The following FRAS1 variants were observed in gnomAD, a reference collection of about 807,000 sequenced individuals.
The protein encoded by FRAS1 is Fraser extracellular matrix complex subunit 1, also known as extracellular matrix organizing protein FRAS1.
In FRAS1, 290 loss-of-function variants were observed where a neutral mutation model predicts 435.2. The ratio of observed to expected loss-of-function variants is 0.67; its 90% CI spans 0.61 to 0.73. The LOEUF (loss-of-function observed/expected upper bound fraction) is 0.73, where lower values mean the gene tolerates loss of function less well. FRAS1 is among the 30% of genes least tolerant of loss of function. The pLI is 0.00. For synonymous variants in FRAS1, 1,800 were observed against 1,851.0 expected, an observed-to-expected ratio of 0.97 and a Z score of 0.71; for missense variants, 4,860 against 5,001.5, an observed-to-expected ratio of 0.97 and a Z score of 0.85.
intron 2 of FRAS1, among the ~76,000 whole-genome samples, chr4:78,073,313 G>A (rs531951284): frequency 6.6e-6 from 1 of 152,044 alleles, no homozygotes; most frequent in Non-Finnish European, 1.5e-5. Context: ...ATTCATATTT[G>A]TGTGGTAGGA....
At chr4:78,427,643 A>G (rs1334228228) in intron 35 of FRAS1, among the ~76,000 whole-genome samples, 1 of 152,240 alleles carries the variant, frequency 6.6e-6, no homozygotes, top group Non-Finnish European at 1.5e-5. Flanking sequence ...TCAAATGTAA[A>G]GAAGCAATGA....
intron 50 of FRAS1, among the ~76,000 whole-genome samples, chr4:78,468,304 A>G (rs1719596785): frequency 6.6e-6 from 1 of 152,152 alleles, no homozygotes; most frequent in Non-Finnish European, 1.5e-5. Flanking sequence ...ATCCTAAAAG[A>G]TACTCATTTA....
chr4:78,405,398 G>A (rs9307386), intron 30 of FRAS1, among the ~76,000 whole-genome samples: 21,059 of 136,458 alleles, frequency 0.15, 1,841 homozygotes, highest in African/African-American at 0.29. Context: ...GGAGAGAAAG[G>A]TAATGGAATT....
At chr4:78,258,712 T>G (rs1233144313) in intron 6 of FRAS1, among the ~76,000 whole-genome samples, 1 of 149,618 alleles carries the variant, frequency 6.7e-6, no homozygotes, top group Non-Finnish European at 1.5e-5. Flanking sequence ...ATTTATCTAT[T>G]ATTATTATTA....
At chr4:78,303,866 G>A (rs999967552) in intron 14 of FRAS1, among the ~76,000 whole-genome samples, 11 of 149,048 alleles carry the variant, frequency 7.4e-5, no homozygotes, top group Admixed American at 6.7e-4. Flanking sequence ...CTGCCTAATT[G>A]CCCTGGCCAG....
intron 2 of FRAS1, among the ~76,000 whole-genome samples, chr4:78,161,441 G>A (rs374698884): frequency 6.6e-6 from 1 of 151,976 alleles, no homozygotes; most frequent in Non-Finnish European, 1.5e-5. Flanking sequence ...TTTCTCACTC[G>A]TGATGTGGGA....
chr4:78,140,336 T>A (rs1439337902), intron 2 of FRAS1, among the ~76,000 whole-genome samples: 1 of 152,178 alleles, frequency 6.6e-6, no homozygotes, highest in African/African-American at 2.4e-5. Flanking sequence ...AAGGATTGGT[T>A]CCATTTTATT....
chr4:78,476,910 AG>A (rs1719868576), intron 54 of FRAS1, among the ~76,000 whole-genome samples: 1 of 152,000 alleles, frequency 6.6e-6, no homozygotes. Context: ...AGTATAGTCC[AG>A]GCTCATTTCC....
At position 78,466,425 on chromosome 4, in the gene FRAS1, G is replaced by A; in HGVS notation, c.7247G>A (p.Gly2416Glu). Residue 2416 changes from glycine to glutamate, a missense_variant, in exon 50 of 74, where the codon GGG becomes GAG. By Grantham distance (98) the Gly-to-Glu change is moderately conservative (BLOSUM62 -2). Transcript: ENST00000512123. The part of the protein sequence containing the change: ...GTNPFFIIEE[G>E]GKEIMTAAPQ... ...AACCCCTTCTTTATCATTGAGGAAG[G>A]GGGAAAAGAGGTGAGGGGTGAGGAC... 1 of 1,612,550 alleles carries A rather than the reference G, an allele frequency of 6.2e-7. No homozygotes were observed. The highest frequency in any genetic ancestry group is 8.5e-7 in the Non-Finnish European group (1 of 1,179,048).
intron 2 of FRAS1, among the ~76,000 whole-genome samples, chr4:78,150,855 A>C (rs1720627038): frequency 6.6e-6 from 1 of 152,190 alleles, no homozygotes; most frequent in African/African-American, 2.4e-5. Flanking sequence ...TTTGCATGTA[A>C]TCATTGGATT....
At chr4:78,498,249 C>T (rs1720565868) in intron 60 of FRAS1, among the ~76,000 whole-genome samples, 1 of 152,166 alleles carries the variant, frequency 6.6e-6, no homozygotes, top group Non-Finnish European at 1.5e-5. Flanking sequence ...GTGGCTCATG[C>T]CTGTAATCCC....
chr4:78,210,134 C>T (rs1368783904), intron 2 of FRAS1, among the ~76,000 whole-genome samples: 1 of 152,200 alleles, frequency 6.6e-6, no homozygotes, highest in Non-Finnish European at 1.5e-5. Context: ...TGTGTTCCTG[C>T]ACTTCCTCTT....
chr4:78,429,431 T>C (rs887512654), intron 36 of FRAS1, among the ~76,000 whole-genome samples: 2 of 152,130 alleles, frequency 1.3e-5, no homozygotes, highest in South Asian at 4.1e-4. Flanking sequence ...GAGGCCAGTG[T>C]TCAGTGGTGG....
At chr4:78,079,721 C>G (rs970118839) in intron 2 of FRAS1, among the ~76,000 whole-genome samples, 4 of 152,092 alleles carry the variant, frequency 2.6e-5, no homozygotes, top group Non-Finnish European at 4.4e-5. Context: ...AGTGAGTCCC[C>G]TTCAGAGATG....
At chr4:78,208,652 A>T (rs1723368405) in intron 2 of FRAS1, among the ~76,000 whole-genome samples, 2 of 152,300 alleles carry the variant, frequency 1.3e-5, no homozygotes, top group South Asian at 4.1e-4. Flanking sequence ...AAGTCTCAGG[A>T]ATAATAAATT....
chr4:78,518,422 G>A (rs371574968), intron 66 of FRAS1, among the ~76,000 whole-genome samples: 20,093 of 135,694 alleles, frequency 0.15, 1,782 homozygotes, highest in Non-Finnish European at 0.2. Context: ...TTTTTGTTGT[G>A]TATATATATA....
At chr4:78,489,279 A>C (rs1035181466) in intron 59 of FRAS1, among the ~76,000 whole-genome samples, 199 bp downstream of exon 59, 1 of 152,236 alleles carries the variant, frequency 6.6e-6, no homozygotes, top group Non-Finnish European at 1.5e-5. Context: ...CACAAAACTT[A>C]ACTACTAATA....
intron 2 of FRAS1, among the ~76,000 whole-genome samples, chr4:78,207,265 G>T (rs1198211282): frequency 1.3e-5 from 2 of 152,096 alleles, no homozygotes; most frequent in African/African-American, 4.8e-5. Context: ...CTAATCCAAG[G>T]AGAATAAGAA....
chr4:78,383,127 C>T (rs1732084584), intron 27 of FRAS1, among the ~76,000 whole-genome samples: 1 of 152,198 alleles, frequency 6.6e-6, no homozygotes, highest in South Asian at 2.1e-4. Flanking sequence ...GTCTTACCTT[C>T]CCTCCTAGCA....
Sources: gnomAD v4.1 joint callset for allele counts (sites outside exome capture counted in the v4.1 genomes callset) on GRCh38, gnomAD v4.1.1 for gene constraint, MANE v1.5 for transcripts, NCBI Gene and HGNC (gene_info 2026-07-23, HGNC 2026-07-21) for gene names.